NALF1: variants seen among roughly 807,000 people sequenced by gnomAD.
NALF1 encodes the protein NALCN channel auxiliary factor 1.
In NALF1, 3 loss-of-function variants were observed where a neutral mutation model predicts 48.4. The observed-to-expected ratio is 0.06, with a 90% CI of 0.03 to 0.16. The LOEUF (loss-of-function observed/expected upper bound fraction) is 0.16. Ranked by LOEUF, NALF1 falls within the 10% of genes least tolerant of loss-of-function variation. NALF1 has a pLI of 1.00. For missense variants in NALF1, 526 were observed against 571.5 expected, an observed-to-expected ratio of 0.92 and a Z score of 0.81; for synonymous variants, 262 against 245.7, an observed-to-expected ratio of 1.07 and a Z score of -0.62.
At chr13:107,565,121 A>G (rs947434560) in intron 1 of NALF1, among the ~76,000 whole-genome samples, 2 of 150,840 alleles carry the variant, frequency 1.3e-5, no homozygotes, top group African/African-American at 4.8e-5. Flanking sequence ...AAAAACAGAC[A>G]TAAACAACCA....
At chr13:107,728,509 A>T (rs2138533663) in intron 1 of NALF1, among the ~76,000 whole-genome samples, 1 of 151,734 alleles carries the variant, frequency 6.6e-6, no homozygotes, top group East Asian at 2.0e-4. Context: ...AGGGAGGGGA[A>T]CACCACACAC....
At chr13:107,325,019 T>C (rs1280189011) in intron 1 of NALF1, among the ~76,000 whole-genome samples, 1 of 152,216 alleles carries the variant, frequency 6.6e-6, no homozygotes, top group African/African-American at 2.4e-5. Context: ...AAGATGACTA[T>C]TGCAATCCAC....
chr13:107,766,984 C>T (rs1877433295), intron 1 of NALF1, among the ~76,000 whole-genome samples: 1 of 151,942 alleles, frequency 6.6e-6, no homozygotes, highest in African/African-American at 2.4e-5. Flanking sequence ...AGGCAACTGA[C>T]AACAGAAAGA....
intron 1 of NALF1, among the ~76,000 whole-genome samples, chr13:107,483,076 A>G (rs535347601): frequency 6.6e-6 from 1 of 152,206 alleles, no homozygotes; most frequent in African/African-American, 2.4e-5. Context: ...CTACCTCCCA[A>G]ATACCTTGTG....
At chr13:107,498,261 T>C (rs2139075443) in intron 1 of NALF1, among the ~76,000 whole-genome samples, 1 of 151,532 alleles carries the variant, frequency 6.6e-6, no homozygotes, top group South Asian at 2.1e-4. Flanking sequence ...GCAGATATCA[T>C]GTCAAACCGT....
At chr13:107,189,898 G>T (rs1246776749) in intron 2 of NALF1, among the ~76,000 whole-genome samples, 1 of 152,168 alleles carries the variant, frequency 6.6e-6, no homozygotes, top group Non-Finnish European at 1.5e-5. Context: ...ATCTCTCATA[G>T]ATGTCTGTGT....
At chr13:107,440,002 T>C (rs112932010) in intron 1 of NALF1, among the ~76,000 whole-genome samples, 2,519 of 152,320 alleles carry the variant, frequency 0.017, 46 homozygotes, top group African/African-American at 0.053. Flanking sequence ...ATATTTGGAC[T>C]TAAAAATACT....
chr13:107,206,618 T>A (rs1401360788), intron 2 of NALF1, among the ~76,000 whole-genome samples: 2 of 152,200 alleles, frequency 1.3e-5, no homozygotes, highest in Non-Finnish European at 2.9e-5. Flanking sequence ...GATATTCCCT[T>A]TTTTGTGAAT....
At chr13:107,659,309 A>G (rs1880668213) in intron 1 of NALF1, among the ~76,000 whole-genome samples, 1 of 152,090 alleles carries the variant, frequency 6.6e-6, no homozygotes, top group Admixed American at 6.6e-5. Context: ...AATCTATTGC[A>G]TTTATCTTTT....
chr13:107,333,113 T>C (rs891800449), intron 1 of NALF1, among the ~76,000 whole-genome samples: 1 of 152,220 alleles, frequency 6.6e-6, no homozygotes, highest in Non-Finnish European at 1.5e-5. Flanking sequence ...CCCAAAGTGC[T>C]GGGATTACAG....
intron 1 of NALF1, among the ~76,000 whole-genome samples, chr13:107,696,798 AT>A (rs763760391): frequency 3.3e-4 from 50 of 151,952 alleles, no homozygotes; most frequent in Admixed American, 8.5e-4. Context: ...ATCTTGCATG[AT>A]TTTTGCTTTT....
intron 1 of NALF1, among the ~76,000 whole-genome samples, chr13:107,831,350 GC>G (rs1879723086): frequency 6.6e-6 from 1 of 152,042 alleles, no homozygotes; most frequent in Non-Finnish European, 1.5e-5. Context: ...TAAAAAGTAA[GC>G]CTCGGCACTT....
intron 1 of NALF1, among the ~76,000 whole-genome samples, chr13:107,418,992 A>T (rs1884139716): frequency 6.6e-6 from 1 of 152,216 alleles, no homozygotes; most frequent in Non-Finnish European, 1.5e-5. Flanking sequence ...AATAAAGCTG[A>T]GTATATAAAA....
At chr13:107,267,061 T>C (rs1881055020) in intron 1 of NALF1, among the ~76,000 whole-genome samples, 1 of 152,204 alleles carries the variant, frequency 6.6e-6, no homozygotes, top group South Asian at 2.1e-4. Context: ...AAGTCAAGTG[T>C]TCCACTGTAG....
chr13:107,231,775 T>C (rs1480088576), intron 1 of NALF1, among the ~76,000 whole-genome samples: 2 of 152,188 alleles, frequency 1.3e-5, no homozygotes, highest in Non-Finnish European at 2.9e-5. Context: ...GGCCACAGAA[T>C]ATGGCATGAA....
intron 1 of NALF1, among the ~76,000 whole-genome samples, chr13:107,297,684 A>G (rs746198771): frequency 1.4e-4 from 21 of 152,226 alleles, no homozygotes; most frequent in Non-Finnish European, 2.8e-4. Context: ...ATATAATTCA[A>G]ACTGAAGTTA....
chr13:107,843,843 A>G (rs1207996426), intron 1 of NALF1, among the ~76,000 whole-genome samples: 2 of 152,200 alleles, frequency 1.3e-5, no homozygotes, highest in South Asian at 2.1e-4. Context: ...ACAGCATTTT[A>G]AAGATGTTTG....
chr13:107,508,543 ATC>A (rs1174561809), intron 1 of NALF1, among the ~76,000 whole-genome samples: 1 of 152,132 alleles, frequency 6.6e-6, no homozygotes, highest in African/African-American at 2.4e-5. Flanking sequence ...AAGTCATTTA[ATC>A]TCTCTTAAAC....
chr13:107,852,738 T>A (rs1335172602), intron 1 of NALF1, among the ~76,000 whole-genome samples: 1 of 152,132 alleles, frequency 6.6e-6, no homozygotes, highest in Non-Finnish European at 1.5e-5. Context: ...CTTGGAAAAT[T>A]ATTTTTCTTA....
Sources: allele counts gnomAD v4.1 joint callset (sites outside exome capture counted in the v4.1 genomes callset), GRCh38; gene constraint gnomAD v4.1.1; transcripts MANE v1.5; gene names NCBI Gene and HGNC (gene_info 2026-07-23, HGNC 2026-07-21).